FTO: variants seen among roughly 807,000 people sequenced by gnomAD.
FTO encodes the protein FTO alpha-ketoglutarate dependent dioxygenase, also known as alpha-ketoglutarate-dependent dioxygenase FTO.
Under a neutral mutation model 63.9 loss-of-function variants are expected in FTO, and 47 were observed. That is an observed-to-expected ratio of 0.74 (90% CI 0.58 to 0.94). The LOEUF is 0.94. Ranked by LOEUF, FTO falls within the 40% of genes least tolerant of loss-of-function variation. The probability of loss-of-function intolerance (pLI) is 0.00; values close to 1 mark genes in which losing one functional copy is unlikely to be tolerated. For synonymous variants in FTO, 207 were observed against 224.4 expected, an observed-to-expected ratio of 0.92 and a Z score of 0.69; for missense variants, 562 against 618.1, an observed-to-expected ratio of 0.91 and a Z score of 0.96.
At chr16:53,734,687 T>C (rs1006603918) in intron 1 of FTO, among the ~76,000 whole-genome samples, 4 of 152,366 alleles carry the variant, frequency 2.6e-5, no homozygotes, top group South Asian at 2.1e-4. Flanking sequence ...TACAGTCAAA[T>C]GCAGGTACTT....
intron 1 of FTO, among the ~76,000 whole-genome samples, chr16:53,726,313 G>A (rs1039139392): frequency 3.3e-5 from 5 of 152,196 alleles, no homozygotes; most frequent in Admixed American, 1.3e-4. Context: ...GTTGAAACTC[G>A]TCCTTCTTAA....
At chr16:53,891,785 G>C (rs2081155980) in intron 7 of FTO, among the ~76,000 whole-genome samples, 1 of 152,196 alleles carries the variant, frequency 6.6e-6, no homozygotes, top group African/African-American at 2.4e-5. Context: ...TAATTTGAAG[G>C]TGGTGGCACA....
At chr16:54,095,190 C>A (rs1358458366) in intron 8 of FTO, among the ~76,000 whole-genome samples, 5 of 152,164 alleles carry the variant, frequency 3.3e-5, no homozygotes, top group African/African-American at 1.2e-4. Context: ...TAGACTTATG[C>A]CACTGTGCCT....
intron 1 of FTO, among the ~76,000 whole-genome samples, chr16:53,736,357 A>C (rs997242680): frequency 5.8e-5 from 8 of 138,236 alleles, no homozygotes; most frequent in African/African-American, 2.4e-4. Context: ...AGTATAATTA[A>C]AAAAAAAAAA....
rs371059872 is a variant in FTO, at chr16:53,781,460, A to C, written c.46-28680A>C. Among the ~76,000 whole-genome samples, 10 of 152,342 alleles carry C rather than the reference A, an allele frequency of 6.6e-5. No individual in the cohort carries two copies. In the East Asian group the frequency reaches 1.2e-3, roughly 18 times the overall value. ...GCCACAGGCAAGTTAGGAAAGTGAG[A>C]TATAGCACACCCACCACATTCAGTG... On this transcript the variant is annotated intron_variant, in intron 1 of 8. Coordinates refer to ENST00000471389, the MANE Select transcript of FTO (RefSeq NM_001080432.3).
At chr16:54,041,135 G>A (rs994756551) in intron 8 of FTO, among the ~76,000 whole-genome samples, 4 of 152,162 alleles carry the variant, frequency 2.6e-5, no homozygotes, top group South Asian at 2.1e-4. Flanking sequence ...TCACAATGCT[G>A]TAAAGATGCT....
chr16:54,020,348 C>A (rs1313129046), intron 8 of FTO, among the ~76,000 whole-genome samples: 3 of 152,260 alleles, frequency 2.0e-5, no homozygotes, highest in African/African-American at 7.2e-5. Context: ...CAAAATATAT[C>A]CATTTCCTAT....
At chr16:53,839,958 C>T (rs2079425372) in intron 3 of FTO, among the ~76,000 whole-genome samples, 1 of 151,958 alleles carries the variant, frequency 6.6e-6, no homozygotes, top group African/African-American at 2.4e-5. Context: ...GCACGCACCA[C>T]CACACCCAGC....
chr16:53,950,072 ATT>A (rs71146713), intron 8 of FTO, among the ~76,000 whole-genome samples: 2 of 130,138 alleles, frequency 1.5e-5, no homozygotes, highest in Non-Finnish European at 1.6e-5. Flanking sequence ...TTATTTAAAC[ATT>A]TTTTTTTTTT....
chr16:54,074,006 T>A (rs1193599154), intron 8 of FTO, among the ~76,000 whole-genome samples: 1 of 152,162 alleles, frequency 6.6e-6, no homozygotes, highest in African/African-American at 2.4e-5. Flanking sequence ...TGTCTTATAG[T>A]CTGTCCTGTG....
intron 8 of FTO, among the ~76,000 whole-genome samples, chr16:53,997,759 T>A (rs2143965535): frequency 6.6e-6 from 1 of 152,262 alleles, no homozygotes; most frequent in South Asian, 2.1e-4. Flanking sequence ...GTTATGTTAT[T>A]CTCTATACTT....
intron 7 of FTO, among the ~76,000 whole-genome samples, chr16:53,909,172 T>C (rs180730057): frequency 3.9e-5 from 6 of 152,340 alleles, no homozygotes; most frequent in Admixed American, 2.6e-4. Flanking sequence ...TCAGCAGGCA[T>C]CTACCAGCGG....
rs931254759 is a variant in FTO, at chr16:53,722,097, G to A, written c.45+17868G>A. 2.6e-5 allele frequency among the ~76,000 whole-genome samples: 4 copies of A among 152,258 alleles called. No individual in the cohort carries two copies. In the South Asian group the frequency reaches 8.3e-4, roughly 32 times the overall value. On this transcript the variant is annotated intron_variant, in intron 1 of 8. Transcript: ENST00000471389. ...TTTTCTTCAGTCCCTCCTCTTTCAT[G>A]AAGCGTTTGAGGATTATTCCATTCA...
intron 1 of FTO, among the ~76,000 whole-genome samples, chr16:53,797,067 TTCTC>T (rs966157276): frequency 1.9e-4 from 29 of 152,208 alleles, no homozygotes; most frequent in African/African-American, 6.8e-4. Flanking sequence ...CGCTCTCTCT[TTCTC>T]TCTCCCTTTT....
chr16:53,814,366 A>G (rs1218435101), intron 2 of FTO, among the ~76,000 whole-genome samples: 1 of 152,174 alleles, frequency 6.6e-6, no homozygotes, highest in African/African-American at 2.4e-5. Context: ...GCTGTCACTG[A>G]TTGTGTGCTA....
chr16:54,114,086 G>A lies in FTO; in HGVS notation c.*2171G>A, dbSNP rs1257594868. The A allele has an allele frequency of 6.6e-6, 1 of 152,192 alleles. No individual in the cohort carries two copies. The highest frequency in any genetic ancestry group is 2.4e-5 in the African/African-American group (1 of 41,424). 9.4% of individuals were successfully genotyped at this position (152,192 alleles called of 1,614,324 possible). A position where few individuals can be genotyped will look rare whatever the true frequency, so the allele number is the denominator to read the frequency against. On this transcript the variant is annotated 3_prime_UTR_variant, in exon 9 of 9. Transcript: ENST00000471389. ...CCCAAAGCGCTGGGATTACAGGCGT[G>A]AGCCACCGCGCCAAGCCAAGGTCTG...
intron 7 of FTO, among the ~76,000 whole-genome samples, chr16:53,925,381 G>A (rs2082114954): frequency 6.6e-6 from 1 of 152,158 alleles, no homozygotes; most frequent in Non-Finnish European, 1.5e-5. Flanking sequence ...TGGTAGTGAG[G>A]ATGGGTAGAT....
At chr16:53,814,814 A>G (rs559490826) in intron 2 of FTO, 1 of 152,182 alleles carries the variant, frequency 6.6e-6, no homozygotes, top group Non-Finnish European at 1.5e-5. Flanking sequence ...TTACTCCATT[A>G]AACAAATGGA....
chr16:53,843,276 C>G (rs1320530421), intron 3 of FTO, among the ~76,000 whole-genome samples: 1 of 152,126 alleles, frequency 6.6e-6, no homozygotes, highest in Non-Finnish European at 1.5e-5. Context: ...AGTCAAAGAG[C>G]TTATGCGTTT....
Sources: gnomAD v4.1 joint callset for allele counts (sites outside exome capture counted in the v4.1 genomes callset) on GRCh38, gnomAD v4.1.1 for gene constraint, MANE v1.5 for transcripts, NCBI Gene and HGNC (gene_info 2026-07-23, HGNC 2026-07-21) for gene names.